Variants in PPARGC1A observed in about 807,000 individuals in gnomAD.
PPARGC1A encodes PPARG coactivator 1 alpha, also known as peroxisome proliferator-activated receptor gamma coactivator 1-alpha.
In PPARGC1A, 25 loss-of-function variants were observed where a neutral mutation model predicts 88.7. The ratio of observed to expected loss-of-function variants is 0.28; its 90% CI spans 0.21 to 0.39. PPARGC1A has a LOEUF of 0.39. Among genes scored for constraint, PPARGC1A ranks in the 10% least tolerant of loss-of-function variants. PPARGC1A has a pLI of 1.00. For missense variants in PPARGC1A, 880 were observed against 968.7 expected (o/e 0.91, Z 1.22); for synonymous variants, 363 against 355.6 (o/e 1.02, Z -0.24).
chr4:24,264,022 A>G, the PPARGC1A span, among the ~76,000 whole-genome samples: 1 of 152,130 alleles, frequency 6.6e-6, no homozygotes, highest in Non-Finnish European at 1.5e-5. Context: ...AAGTGCTGGG[A>G]TTACAGGTGT....
chr4:24,471,218 C>G, the PPARGC1A span, among the ~76,000 whole-genome samples: 4 of 151,850 alleles, frequency 2.6e-5, no homozygotes, highest in African/African-American at 9.7e-5. The surrounding 1 kb of genome is among the most constrained non-coding windows in gnomAD (Gnocchi z 5.4). Flanking sequence ...ATCCCCGGCG[C>G]CCTGGACCGC....
chr4:24,128,592 G>C, the PPARGC1A span, among the ~76,000 whole-genome samples: 1 of 150,774 alleles, frequency 6.6e-6, no homozygotes, highest in Non-Finnish European at 1.5e-5. Flanking sequence ...ACGCGCATCT[G>C]TGTACAATGG....
chr4:24,041,914 A>G, the PPARGC1A span, among the ~76,000 whole-genome samples: 1 of 148,372 alleles, frequency 6.7e-6, no homozygotes. Context: ...CATCCCACCA[A>G]AAAAAAAAAG....
chr4:23,961,410 C>G, the PPARGC1A span, among the ~76,000 whole-genome samples: 1 of 152,186 alleles, frequency 6.6e-6, no homozygotes, highest in South Asian at 2.1e-4. Context: ...GGGAAGTTCT[C>G]AGCATGTTTA....
At chr4:23,959,178 G>A in the PPARGC1A span, among the ~76,000 whole-genome samples, 1 of 152,054 alleles carries the variant, frequency 6.6e-6, no homozygotes, top group Non-Finnish European at 1.5e-5. Context: ...TGATCGAAGG[G>A]GCGGCATTGC....
rs570932595 is a variant in PPARGC1A at position 23,844,738 on chromosome 4, A to ATATATTATTATAATATGATATATAT, written c.235-12988_235-12987insATATATATCATATTATAATAATATA. On this transcript the variant is annotated intron_variant, in intron 2 of 12. Transcript: ENST00000264867. ...GATATATATTATTATAATATATGAT[A>ATATATTATTATAATATGATATATAT]TATCATAATATATGATATATATTAT... Among the ~76,000 whole-genome samples the ATATATTATTATAATATGATATATAT allele has an allele frequency of 1.9e-3, 57 of 30,264 alleles. 2 individuals carry two copies. The highest frequency in any genetic ancestry group is 7.5e-3 in the African/African-American group (54 of 7,158). The allele number at this position is 30,264 out of a possible 152,430, so 19.9% of individuals were successfully genotyped here. A position where few individuals can be genotyped will look rare whatever the true frequency, so the allele number is the denominator to read the frequency against.
At chr4:24,181,731 C>A in the PPARGC1A span, among the ~76,000 whole-genome samples, 1 of 151,984 alleles carries the variant, frequency 6.6e-6, no homozygotes, top group African/African-American at 2.4e-5. Flanking sequence ...GGCACAGAGC[C>A]AAGAAAACTT....
chr4:23,890,493 T>C (rs1717666963), upstream of PPARGC1A, among the ~76,000 whole-genome samples: 1 of 151,870 alleles, frequency 6.6e-6, no homozygotes, highest in African/African-American at 2.4e-5. Flanking sequence ...AATTCTAAGA[T>C]CTCCAAGTGG....
At chr4:23,862,304 G>C (rs1003316946) in intron 2 of PPARGC1A, among the ~76,000 whole-genome samples, 1 of 152,210 alleles carries the variant, frequency 6.6e-6, no homozygotes, top group Non-Finnish European at 1.5e-5. Flanking sequence ...TCCTGAATTT[G>C]AGAGGTTCCT....
chr4:24,257,393 A>G, the PPARGC1A span, among the ~76,000 whole-genome samples: 1 of 152,218 alleles, frequency 6.6e-6, no homozygotes, highest in South Asian at 2.1e-4. Context: ...ACCTTTTAAA[A>G]GAGAAAAAAT....
At chr4:24,179,400 G>A in the PPARGC1A span, among the ~76,000 whole-genome samples, 1 of 152,112 alleles carries the variant, frequency 6.6e-6, no homozygotes, top group Non-Finnish European at 1.5e-5. Flanking sequence ...CTGGCCTTGG[G>A]ACTTGCTTTG....
intron 2 of PPARGC1A, among the ~76,000 whole-genome samples, chr4:23,841,453 T>C (rs182021752): frequency 1.4e-4 from 21 of 152,198 alleles, no homozygotes. Context: ...TATGTATTTA[T>C]ATACCTTAAT....
At chr4:23,910,790 C>A in the PPARGC1A span, among the ~76,000 whole-genome samples, 8 of 138,412 alleles carry the variant, frequency 5.8e-5, no homozygotes, top group Admixed American at 5.7e-4. Flanking sequence ...CACTTATTAT[C>A]TTATGAAATG....
At chr4:23,993,074 C>T in the PPARGC1A span, among the ~76,000 whole-genome samples, 10 of 151,920 alleles carry the variant, frequency 6.6e-5, no homozygotes, top group Non-Finnish European at 1.3e-4. Context: ...AAATCAAAGG[C>T]CACTAAAACA....
At chr4:24,304,870 T>C in the PPARGC1A span, among the ~76,000 whole-genome samples, 1 of 152,114 alleles carries the variant, frequency 6.6e-6, no homozygotes, top group Non-Finnish European at 1.5e-5. Context: ...GGTTATCGGC[T>C]TTTAAGAAAG....
chr4:23,825,756 G>C (rs185758370), intron 5 of PPARGC1A, among the ~76,000 whole-genome samples: 3 of 152,210 alleles, frequency 2.0e-5, no homozygotes, highest in Admixed American at 2.0e-4. Flanking sequence ...CAGTTGAATG[G>C]TATATCATAC....
At chr4:24,225,539 AC>A in the PPARGC1A span, among the ~76,000 whole-genome samples, 38 of 129,900 alleles carry the variant, frequency 2.9e-4, no homozygotes, top group Admixed American at 1.2e-3. Context: ...CAAAAAAAAA[AC>A]ACACACACAC....
the PPARGC1A span, among the ~76,000 whole-genome samples, chr4:24,138,708 A>G: frequency 6.6e-6 from 1 of 152,160 alleles, no homozygotes; most frequent in Non-Finnish European, 1.5e-5. Context: ...TCTTCTCACA[A>G]TGGCAAAGGC....
At chr4:24,126,595 C>G in the PPARGC1A span, among the ~76,000 whole-genome samples, 80 of 152,226 alleles carry the variant, frequency 5.3e-4, no homozygotes, top group African/African-American at 1.8e-3. Context: ...TTCCCCCTGC[C>G]TAAAGATGAT....
Sources: allele counts gnomAD v4.1 joint callset (sites outside exome capture counted in the v4.1 genomes callset), GRCh38; gene constraint gnomAD v4.1.1; non-coding constraint Gnocchi (gnomAD v3.1); transcripts MANE v1.5; gene names NCBI Gene and HGNC (gene_info 2026-07-23, HGNC 2026-07-21).